Variants in KAT5 observed in about 807,000 individuals in gnomAD.
KAT5 encodes the protein lysine acetyltransferase 5.
Under a neutral mutation model 68.1 loss-of-function variants are expected in KAT5, and 31 were observed. The observed-to-expected ratio is 0.46, with a 90% CI of 0.34 to 0.61. The LOEUF is 0.61. KAT5 is among the 20% of genes least tolerant of loss of function. The pLI, the probability that KAT5 is intolerant of heterozygous loss-of-function variation, is 0.01. For synonymous variants in KAT5, 365 were observed against 292.6 expected (o/e 1.25, Z -2.52); for missense variants, 451 against 725.5 (o/e 0.62, Z 4.35).
In KAT5 at chr11:65,719,324, G is replaced by A; in HGVS notation, c.*143G>A. The stretch of plus-strand genomic sequence containing the variant: ...AAAAGGAGAGGACAGGCCTGGCAGG[G>A]GCCCACTGGTGCCCAGCACCAAGGC... On this transcript the variant is annotated 3_prime_UTR_variant, in exon 13 of 13. Transcript: ENST00000341318. 3 of 1,048,520 alleles carry A rather than the reference G, an allele frequency of 2.9e-6. No homozygotes were observed. The highest frequency in any genetic ancestry group is 2.7e-6 in the Non-Finnish European group (2 of 741,962). 65.0% of individuals were successfully genotyped at this position (1,048,520 alleles called of 1,614,324 possible). A position where few individuals can be genotyped will look rare whatever the true frequency, so the allele number is the denominator to read the frequency against.
chr11:65,712,987 A>G lies in KAT5; in HGVS notation c.313A>G (p.Lys105Glu). Residue 105 changes from lysine to glutamate, a missense_variant, in exon 3 of 13, where the codon AAG becomes GAG. Transcript: ENST00000341318. The stretch of plus-strand genomic sequence containing the variant: ...GGACCTAAAGAAGATCCAGTTCCCC[A>G]AGAAAGAGGCCAAGACCCCCACTAA... ...RLDLKKIQFP[K>E]KEAKTPTKNG... The G allele has an allele frequency of 6.2e-7, 1 of 1,614,062 alleles. No individual in the cohort carries two copies. Among genetic ancestry groups the G allele is most frequent in the Non-Finnish European group, 8.5e-7 (1 of 1,180,010 alleles).
chr11:65,715,728 T>A (rs565660418), intron 8 of KAT5, among the ~76,000 whole-genome samples: 1 of 151,040 alleles, frequency 6.6e-6, no homozygotes, highest in Non-Finnish European at 1.5e-5. Flanking sequence ...ACCACTGCAT[T>A]CCAGCCTGGG....
intron 8 of KAT5, among the ~76,000 whole-genome samples, chr11:65,715,753 C>T (rs1857169916): frequency 1.3e-5 from 2 of 148,814 alleles, no homozygotes; most frequent in Admixed American, 6.8e-5. Context: ...AGCAAGACTT[C>T]GTGTAAAAAA....
intron 10 of KAT5, chr11:65,717,444 G>A (rs751483971): frequency 2.8e-5 from 6 of 217,648 alleles, no homozygotes; most frequent in Non-Finnish European, 5.6e-5. Flanking sequence ...CTTGTGTCCA[G>A]TGAGGTCAGT....
chr11:65,716,145 C>T (rs1257049865), intron 8 of KAT5: 1 of 153,660 alleles, frequency 6.5e-6, no homozygotes, highest in Non-Finnish European at 1.4e-5. Flanking sequence ...TGTTAAATTC[C>T]AGAATTCCTT....
intron 4 of KAT5, 44 bp from the exon 5 acceptor site, chr11:65,713,549 C>G: frequency 6.2e-7 from 1 of 1,614,122 alleles, no homozygotes; most frequent in Non-Finnish European, 8.5e-7. Context: ...TCAGGTCCCA[C>G]CTTCTCTACC....
At chr11:65,712,500 A>C in intron 1 of KAT5, 55 bp downstream of exon 1, 1 of 1,553,292 alleles carries the variant, frequency 6.4e-7, no homozygotes, top group Non-Finnish European at 8.7e-7. Context: ...GGCGGGAGTC[A>C]ACTGAAATCC....
chr11:65,718,467 G>C, intron 10 of KAT5, 123 bp from the exon 11 acceptor site: 2 of 956,188 alleles, frequency 2.1e-6, no homozygotes, highest in Non-Finnish European at 3.2e-6. Context: ...GGAGGGCATA[G>C]AACTGCCAAG....
chr11:65,716,428 A>C (rs1857197557), intron 8 of KAT5: 1 of 544,618 alleles, frequency 1.8e-6, no homozygotes, highest in Non-Finnish European at 3.3e-6. Context: ...AACTTGCCTG[A>C]CTGAGCAGGG....
At chr11:65,714,217 C>A (rs896825714) in intron 6 of KAT5, 2 of 537,296 alleles carry the variant, frequency 3.7e-6, no homozygotes, top group African/African-American at 3.8e-5. Context: ...ACTGCTTGAA[C>A]CCCGGAGGTG....
Position 65,719,112 on chromosome 11 carries a change from G to C in KAT5, c.1572G>C (p.Arg524=). The C allele has an allele frequency of 6.2e-7, 1 of 1,614,206 alleles. No individual in the cohort carries two copies. Among genetic ancestry groups the C allele is most frequent in the Non-Finnish European group, 8.5e-7 (1 of 1,180,032 alleles). ...GCCATGAGCGGGCCATGCTCAAGCG[G>C]CTCCTGCGGATCGACTCCAAGTGTC... ...VDGHERAMLK[R]LLRIDSKCLH... is the part of the protein sequence containing the mutation. The change falls in exon 13 of 13, where the codon CGG becomes CGC. Residue 524 remains arginine, a synonymous_variant. Transcript: ENST00000341318.
chr11:65,719,311 C>T lies in KAT5; in HGVS notation c.*130C>T. Reference sequence around the variant, plus strand: ...TGAGGACAGCTCAAAAAGGAGAGGACAGGCCTGGCAGGGGCCCACTGGTGC... The same window carrying T: ...TGAGGACAGCTCAAAAAGGAGAGGATAGGCCTGGCAGGGGCCCACTGGTGC... On this transcript the variant is annotated 3_prime_UTR_variant, in exon 13 of 13. Coordinates refer to ENST00000341318, the MANE Select transcript of KAT5 (RefSeq NM_182710.3). 9 of 1,137,694 alleles carry T rather than the reference C, an allele frequency of 7.9e-6. No individual in the cohort carries two copies. Among genetic ancestry groups the T allele is most frequent in the Non-Finnish European group, 1.1e-5 (9 of 819,048 alleles). 70.5% of individuals were successfully genotyped at this position (1,137,694 alleles called of 1,614,324 possible). A position where few individuals can be genotyped will look rare whatever the true frequency, so the allele number is the denominator to read the frequency against.
chr11:65,714,330 T>C (rs1857127049), intron 6 of KAT5, 165 bp from the exon 7 acceptor site: 2 of 750,168 alleles, frequency 2.7e-6, no homozygotes. Context: ...TTCCACATCA[T>C]CGATCCTTTA....
chr11:65,713,230 G>T, intron 3 of KAT5, 118 bp from the exon 4 acceptor site: 1 of 1,315,718 alleles, frequency 7.6e-7, no homozygotes, highest in Non-Finnish European at 1.1e-6. Flanking sequence ...AGCTAGTCCT[G>T]TGTCCTTCAG....
chr11:65,717,287 T>A, intron 10 of KAT5: 1 of 498,284 alleles, frequency 2.0e-6, no homozygotes, highest in Non-Finnish European at 3.7e-6. Flanking sequence ...AGTGAGCCGC[T>A]GGTGCTGATG....
At chr11:65,715,556 C>T (rs776988750) in intron 8 of KAT5, among the ~76,000 whole-genome samples, 13 of 149,636 alleles carry the variant, frequency 8.7e-5, no homozygotes, top group Non-Finnish European at 1.6e-4. Context: ...GTCAGGAGAT[C>T]GAGACCATCC....
rs372961208 is a variant in KAT5 at position 65,713,071 on chromosome 11, C to T, written c.384+13C>T. ...AGAGAGAGAGGTGGTGAGTAGGTCC[C>T]CCACTTCACCTTTTCTCTCCTGCCT... On this transcript the variant is annotated intron_variant, in intron 3 of 12. Coordinates refer to ENST00000341318, the MANE Select transcript of KAT5 (RefSeq NM_182710.3). The T allele has an allele frequency of 7.1e-5, 115 of 1,612,132 alleles. No individual in the cohort carries two copies. Among genetic ancestry groups the T allele is most frequent in the Non-Finnish European group, 9.0e-5 (106 of 1,179,896 alleles).
chr11:65,718,487 C>CA, intron 10 of KAT5, 103 bp from the exon 11 acceptor site: 1 of 1,204,644 alleles, frequency 8.3e-7, no homozygotes, highest in Non-Finnish European at 1.2e-6. Flanking sequence ...GTGGCAGGGC[C>CA]ATGATAGGAA....
At chr11:65,715,403 A>G (rs1003972352) in intron 8 of KAT5, 2 of 171,944 alleles carry the variant, frequency 1.2e-5, no homozygotes, top group Admixed American at 1.1e-4. Flanking sequence ...GTTAACCACC[A>G]TTTTGTAATT....
Sources: allele counts gnomAD v4.1 joint callset (sites outside exome capture counted in the v4.1 genomes callset), GRCh38; gene constraint gnomAD v4.1.1; transcripts MANE v1.5; gene names NCBI Gene and HGNC (gene_info 2026-07-23, HGNC 2026-07-21).